The following GRM7 variants were observed in gnomAD, a reference collection of about 807,000 sequenced individuals.
The protein encoded by GRM7 is glutamate metabotropic receptor 7.
In GRM7, 35 loss-of-function variants were observed where a neutral mutation model predicts 84.5. The observed-to-expected ratio is 0.41, with a 90% CI of 0.32 to 0.55. The LOEUF (loss-of-function observed/expected upper bound fraction) is 0.55. Ranked by LOEUF, GRM7 falls within the 20% of genes least tolerant of loss-of-function variation. GRM7 has a pLI of 0.19. For synonymous variants in GRM7, 487 were observed against 455.1 expected (o/e 1.07, Z -0.89); for missense variants, 1,003 against 1,194.6 (o/e 0.84, Z 2.36).
chr3:6,930,619 C>A (rs62235407), intron 1 of GRM7, among the ~76,000 whole-genome samples: 11,152 of 151,714 alleles, frequency 0.074, 565 homozygotes, highest in Non-Finnish European at 0.11. Context: ...ATGGTTCACC[C>A]AATGCAGGTG....
At chr3:6,957,651 A>C (rs1693115587) in intron 1 of GRM7, among the ~76,000 whole-genome samples, 1 of 152,286 alleles carries the variant, frequency 6.6e-6, no homozygotes, top group East Asian at 1.9e-4. Context: ...TGCACATTGT[A>C]ACATAGCAAG....
chr3:7,042,291 G>T (rs1281379112), intron 1 of GRM7, among the ~76,000 whole-genome samples: 1 of 152,166 alleles, frequency 6.6e-6, no homozygotes, highest in Non-Finnish European at 1.5e-5. Context: ...TGTGTCCACT[G>T]CAGAATTAAT....
intron 4 of GRM7, among the ~76,000 whole-genome samples, chr3:7,359,127 A>G (rs1179107883): frequency 1.5e-5 from 2 of 130,990 alleles, no homozygotes; most frequent in East Asian, 2.1e-4. Flanking sequence ...AAAAAAAAAA[A>G]GAAAAAAAGA....
chr3:7,128,365 C>A lies in GRM7; in HGVS notation c.520-18087C>A, dbSNP rs545573646. 8.9e-4 allele frequency among the ~76,000 whole-genome samples: 135 copies of A among 151,820 alleles called. No individual in the cohort carries two copies. In the Middle Eastern group the frequency reaches 0.024, roughly 27 times the overall value. ...ACTGCTGAAAACCAGACACCTAATA[C>A]CCTTAATTCATTGCCTCACGATGAA... is the stretch of plus-strand genomic sequence containing the variant. On this transcript the variant is annotated intron_variant, in intron 1 of 9. Transcript: ENST00000357716.
chr3:7,072,296 C>T (rs1309413831), intron 1 of GRM7, among the ~76,000 whole-genome samples: 1 of 149,178 alleles, frequency 6.7e-6, no homozygotes, highest in African/African-American at 2.4e-5. Context: ...ACTCTGAGAC[C>T]TTAAATACTT....
chr3:7,181,223 G>A (rs1312108135), intron 2 of GRM7, among the ~76,000 whole-genome samples: 4 of 152,174 alleles, frequency 2.6e-5, no homozygotes, highest in African/African-American at 9.6e-5. Flanking sequence ...TCATAATGAG[G>A]GGACATATGG....
At chr3:7,560,886 C>G (rs184510945) in intron 7 of GRM7, among the ~76,000 whole-genome samples, 1 of 152,020 alleles carries the variant, frequency 6.6e-6, no homozygotes, top group Non-Finnish European at 1.5e-5. Flanking sequence ...TTGCCTTGGC[C>G]GTTTCTTCTA....
chr3:7,077,411 A>G (rs1285696063), intron 1 of GRM7, among the ~76,000 whole-genome samples: 1 of 152,146 alleles, frequency 6.6e-6, no homozygotes. Context: ...GGATGAGTTC[A>G]TGTGCTTTGC....
At chr3:7,298,165 T>C (rs1022350109) in intron 2 of GRM7, among the ~76,000 whole-genome samples, 2 of 152,146 alleles carry the variant, frequency 1.3e-5, no homozygotes, top group Middle Eastern at 3.2e-3. Context: ...TTTAGTATAG[T>C]TGATGTTCTT....
intron 1 of GRM7, among the ~76,000 whole-genome samples, chr3:7,109,376 T>C (rs189580780): frequency 2.0e-5 from 3 of 152,174 alleles, no homozygotes; most frequent in Admixed American, 6.5e-5. Context: ...CTATAGCTTT[T>C]ACCAAACTCT....
intron 5 of GRM7, among the ~76,000 whole-genome samples, chr3:7,437,871 A>C (rs1047214464): frequency 1.3e-5 from 2 of 152,170 alleles, no homozygotes; most frequent in African/African-American, 4.8e-5. Context: ...GTCTCTAATA[A>C]TATAACATTT....
chr3:7,439,781 A>G (rs1029104810), intron 5 of GRM7, among the ~76,000 whole-genome samples: 1 of 152,184 alleles, frequency 6.6e-6, no homozygotes, highest in Non-Finnish European at 1.5e-5. Context: ...GCAAACCTCC[A>G]GGTTTTAGTT....
At chr3:7,323,527 T>C (rs1159983488) in intron 4 of GRM7, among the ~76,000 whole-genome samples, 1 of 152,220 alleles carries the variant, frequency 6.6e-6, no homozygotes, top group Non-Finnish European at 1.5e-5. Flanking sequence ...ATATCATCAA[T>C]ATAGTGGTTT....
chr3:7,426,954 T>C (rs1696634771), intron 5 of GRM7, among the ~76,000 whole-genome samples: 1 of 152,214 alleles, frequency 6.6e-6, no homozygotes, highest in Non-Finnish European at 1.5e-5. Flanking sequence ...TGATTTGTGC[T>C]TGTGTTTCCC....
At chr3:6,955,786 G>C (rs1693020557) in intron 1 of GRM7, among the ~76,000 whole-genome samples, 2 of 150,472 alleles carry the variant, frequency 1.3e-5, no homozygotes, top group African/African-American at 2.5e-5. Context: ...AGATTGCAAT[G>C]AGTCGAGATC....
chr3:7,500,851 A>T (rs922698185), intron 7 of GRM7, among the ~76,000 whole-genome samples: 2 of 152,338 alleles, frequency 1.3e-5, no homozygotes, highest in South Asian at 2.1e-4. Context: ...AAGGAGGATG[A>T]GAAATACTTG....
chr3:7,364,399 G>C (rs534964117), intron 4 of GRM7, among the ~76,000 whole-genome samples: 13 of 151,884 alleles, frequency 8.6e-5, no homozygotes, highest in African/African-American at 3.1e-4. Flanking sequence ...CTTATAAGCA[G>C]TGCCTATCTG....
chr3:7,445,588 C>T (rs1326570432), intron 5 of GRM7, among the ~76,000 whole-genome samples: 2 of 152,108 alleles, frequency 1.3e-5, no homozygotes, highest in Admixed American at 6.6e-5. Context: ...AGAGGCACAG[C>T]AATACTGCAG....
rs150531012 is a variant in GRM7 at position 6,978,734 on chromosome 3, C to G, written c.519+116827C>G. ...GTGGCATAACGGGAAAGGAAAGGAC[C>G]TCTTGGAACATTTTTCCTAATTAAA... On this transcript the variant is annotated intron_variant, in intron 1 of 9. Transcript: ENST00000357716. 7.3e-3 allele frequency among the ~76,000 whole-genome samples: 1,116 copies of G among 152,142 alleles called. 13 individuals carry two copies. The highest frequency in any genetic ancestry group is 0.025 in the African/African-American group (1,046 of 41,522).
Sources: allele counts gnomAD v4.1 joint callset (sites outside exome capture counted in the v4.1 genomes callset), GRCh38; gene constraint gnomAD v4.1.1; transcripts MANE v1.5; gene names NCBI Gene and HGNC (gene_info 2026-07-23, HGNC 2026-07-21).